Variants in MYT1L observed in about 807,000 individuals in gnomAD.
MYT1L encodes the protein myelin transcription factor 1 like.
In MYT1L, 12 loss-of-function variants were observed where a neutral mutation model predicts 126.7. The ratio of observed to expected loss-of-function variants is 0.09; its 90% CI spans 0.06 to 0.15. MYT1L has a LOEUF of 0.15. Among genes scored for constraint, MYT1L ranks in the 10% least tolerant of loss-of-function variants. The pLI, the probability that MYT1L is intolerant of heterozygous loss-of-function variation, is 1.00. For missense variants in MYT1L, 979 were observed against 1,585.2 expected (o/e 0.62, Z 6.49); for synonymous variants, 541 against 604.2 (o/e 0.90, Z 1.53).
intron 18 of MYT1L, among the ~76,000 whole-genome samples, chr2:1,867,378 C>A (rs1391006249): frequency 6.6e-6 from 1 of 152,152 alleles, no homozygotes; most frequent in South Asian, 2.1e-4. Flanking sequence ...CCCCGGTGCC[C>A]CACAGCGCCC....
chr2:2,185,858 C>T (rs1357854005), intron 2 of MYT1L, among the ~76,000 whole-genome samples: 9,491 of 113,172 alleles, frequency 0.084, 639 homozygotes, highest in African/African-American at 0.15. Flanking sequence ...AGCCGGGCCT[C>T]CCAGACGCCC....
chr2:2,145,030 G>C (rs577133903), intron 3 of MYT1L, among the ~76,000 whole-genome samples: 181 of 152,308 alleles, frequency 1.2e-3, no homozygotes, highest in African/African-American at 4.1e-3. Flanking sequence ...TTGCTTTGTT[G>C]AAAAGTATGT....
rs150838624 is a variant in MYT1L, at chr2:2,191,423, C to G, written c.-420-18435G>C. On this transcript the variant is annotated intron_variant, in intron 2 of 24. Transcript: ENST00000647738. ...ATTATGAAGAACATGTGAGAGCACT[C>G]TGGGATGCATTTTTAAAAATCTGAC... is the stretch of plus-strand genomic sequence containing the variant. 1.0e-3 allele frequency among the ~76,000 whole-genome samples: 155 copies of G among 152,312 alleles called. 1 individual carries two copies. The highest frequency in any genetic ancestry group is 3.4e-3 in the Middle Eastern group (1 of 294).
intron 3 of MYT1L, among the ~76,000 whole-genome samples, chr2:2,079,444 A>G (rs2075577664): frequency 6.6e-6 from 1 of 152,252 alleles, no homozygotes; most frequent in Non-Finnish European, 1.5e-5. Flanking sequence ...AATTCTAAGT[A>G]GTATTTTTCA....
chr2:2,018,720 TG>T (rs1335294490), intron 4 of MYT1L, among the ~76,000 whole-genome samples: 6 of 152,158 alleles, frequency 3.9e-5, no homozygotes, highest in Non-Finnish European at 5.9e-5. Flanking sequence ...CCTCTCCACT[TG>T]GTCAATGGAT....
At chr2:1,797,185 C>G (rs778408891) in intron 23 of MYT1L, among the ~76,000 whole-genome samples, 1 of 152,144 alleles carries the variant, frequency 6.6e-6, no homozygotes. Flanking sequence ...GCACCTCGGC[C>G]GTTCTGCTGG....
intron 3 of MYT1L, among the ~76,000 whole-genome samples, chr2:2,154,234 A>G (rs72767399): frequency 0.043 from 6,537 of 152,252 alleles, 207 homozygotes; most frequent in Non-Finnish European, 0.066. Flanking sequence ...TCTTAGTCCC[A>G]GGATTTGAAA....
intron 1 of MYT1L, chr2:2,319,413 T>G (rs2096122830): frequency 6.6e-6 from 1 of 152,166 alleles, no homozygotes; most frequent in South Asian, 2.1e-4. Context: ...GTTGGAACTC[T>G]GCATAATGGA....
At chr2:2,073,648 A>G (rs1160315705) in intron 3 of MYT1L, among the ~76,000 whole-genome samples, 2 of 152,120 alleles carry the variant, frequency 1.3e-5, no homozygotes, top group Admixed American at 1.3e-4. Flanking sequence ...TCGCCTCCGC[A>G]TCCTGCCAGT....
chr2:2,200,824 A>C (rs571695116), intron 2 of MYT1L, among the ~76,000 whole-genome samples: 11 of 152,284 alleles, frequency 7.2e-5, no homozygotes, highest in African/African-American at 2.4e-4. Flanking sequence ...AAGAGCTCTC[A>C]CGCTGGAGCC....
chr2:1,863,362 T>G (rs1375140831), intron 18 of MYT1L, among the ~76,000 whole-genome samples: 1 of 151,976 alleles, frequency 6.6e-6, no homozygotes, highest in African/African-American at 2.4e-5. Flanking sequence ...CAAGAGTAAG[T>G]TAGGGAAAGT....
chr2:2,047,599 T>C (rs2068346610), intron 4 of MYT1L, among the ~76,000 whole-genome samples: 1 of 152,192 alleles, frequency 6.6e-6, no homozygotes, highest in African/African-American at 2.4e-5. Context: ...TTTCTATTTT[T>C]GGAAGAAAAT....
chr2:1,880,717 G>A lies in MYT1L; in HGVS notation c.2711+5822C>T, dbSNP rs531077220. Among the ~76,000 whole-genome samples, 228 of 152,292 alleles carry A rather than the reference G, an allele frequency of 1.5e-3. 2 individuals are homozygous for A. The highest frequency in any genetic ancestry group is 4.8e-3 in the African/African-American group (200 of 41,574). On this transcript the variant is annotated intron_variant, in intron 18 of 24. Transcript: ENST00000647738. ...ACAGGGAAGGAAACTGAGGCACAGG[G>A]AGATTGACAGTGATCTCCAATGACT...
chr2:1,979,838 G>A lies in MYT1L; in HGVS notation c.1-61C>T. 6.4e-7 allele frequency: 1 copy of A among 1,552,064 alleles called. No homozygotes were observed. Among genetic ancestry groups the A allele is most frequent in the Non-Finnish European group, 8.9e-7 (1 of 1,126,350 alleles). On this transcript the variant is annotated intron_variant, in intron 5 of 24. Coordinates refer to ENST00000647738, the MANE Select transcript of MYT1L (RefSeq NM_001303052.2). This position sits in a 1 kb window ranked among gnomAD's most constrained non-coding sequence, Gnocchi z 4.0. ...CTGCCTGTGCAGGCCAGCCCTGCAG[G>A]GGCGGCTCACTCTCCCTGGCATTCT...
chr2:2,241,534 G>T lies in MYT1L; in HGVS notation c.-421+42870C>A, dbSNP rs149107218. On this transcript the variant is annotated intron_variant, in intron 2 of 24. Transcript: ENST00000647738. ...CTGGGAGGCCACATGTTGCACTCCA[G>T]CCACGTTGCTTTTATTTATAGGAAC... is the stretch of plus-strand genomic sequence containing the variant. 6.5e-3 allele frequency among the ~76,000 whole-genome samples: 996 copies of T among 152,326 alleles called. 16 individuals carry two copies. Among genetic ancestry groups the T allele is most frequent in the African/African-American group, 0.023 (941 of 41,580 alleles).
chr2:2,171,296 C>T (rs1383646749), intron 3 of MYT1L, among the ~76,000 whole-genome samples: 1 of 152,206 alleles, frequency 6.6e-6, no homozygotes, highest in Non-Finnish European at 1.5e-5. Flanking sequence ...CCAGCTTACT[C>T]TTTCTCCTTG....
At chr2:2,321,429 G>C (rs956177531) in intron 1 of MYT1L, among the ~76,000 whole-genome samples, 8 of 152,138 alleles carry the variant, frequency 5.3e-5, no homozygotes, top group Non-Finnish European at 2.9e-5. Flanking sequence ...TGTGCTTTCA[G>C]CTTCTGTTCA....
chr2:2,055,704 A>G (rs1054395621), intron 3 of MYT1L, among the ~76,000 whole-genome samples: 4 of 152,250 alleles, frequency 2.6e-5, no homozygotes, highest in African/African-American at 7.2e-5. Flanking sequence ...AGGATTGGAC[A>G]TTAATAATCA....
Position 1,917,350 on chromosome 2 carries a change from C to T in MYT1L, c.1484-11G>A, listed in dbSNP as rs7562694. On this transcript the variant is annotated splice_polypyrimidine_tract_variant and intron_variant, in intron 10 of 24. Coordinates refer to ENST00000647738, the MANE Select transcript of MYT1L (RefSeq NM_001303052.2). This position sits in a 1 kb window ranked among gnomAD's most constrained non-coding sequence, Gnocchi z 5.9. ...CTGTTCTTGAGGGATCTAAAAGCGA[C>T]AACAGGTGCCAAGAGAATAAATGTT... 2,518 of 1,596,734 alleles carry T rather than the reference C, an allele frequency of 1.6e-3. 36 individuals are homozygous for T. In the African/African-American group the frequency reaches 0.029, roughly 19 times the overall value.
Sources: gnomAD v4.1 joint callset for allele counts (sites outside exome capture counted in the v4.1 genomes callset) on GRCh38, gnomAD v4.1.1 for gene constraint, Gnocchi (gnomAD v3.1) non-coding constraint, MANE v1.5 for transcripts, NCBI Gene and HGNC (gene_info 2026-07-23, HGNC 2026-07-21) for gene names.